TMEM135: variants seen among roughly 807,000 people sequenced by gnomAD.
TMEM135 encodes transmembrane protein 135, also known as peroxisomal membrane protein 52.
TMEM135 carries 30 observed loss-of-function variants against 60.3 expected under a neutral mutation model. The ratio of observed to expected loss-of-function variants is 0.50; its 90% confidence interval spans 0.37 to 0.68. The LOEUF is 0.68. Among genes scored for constraint, TMEM135 ranks in the 30% least tolerant of loss-of-function variants. TMEM135 has a pLI of 0.00. For missense variants in TMEM135, 468 were observed against 548.8 expected, an observed-to-expected ratio of 0.85 and a Z score of 1.47; for synonymous variants, 190 against 186.7, an observed-to-expected ratio of 1.02 and a Z score of -0.14.
chr11:87,301,237 G>T (rs1942442484), intron 7 of TMEM135, among the ~76,000 whole-genome samples: 1 of 151,844 alleles, frequency 6.6e-6, no homozygotes. Context: ...TATTCTGTTT[G>T]TCACAGGTCT....
chr11:87,127,046 A>G (rs997934155), intron 4 of TMEM135, among the ~76,000 whole-genome samples: 2 of 152,202 alleles, frequency 1.3e-5, no homozygotes, highest in Non-Finnish European at 2.9e-5. Context: ...CTAGCCTGGT[A>G]AAAAACAACA....
chr11:87,083,669 G>T (rs569283728), intron 3 of TMEM135, among the ~76,000 whole-genome samples: 1 of 152,102 alleles, frequency 6.6e-6, no homozygotes, highest in African/African-American at 2.4e-5. Flanking sequence ...TTCACCAGAA[G>T]ATTAAACACT....
chr11:87,056,073 C>A (rs1001243862), intron 1 of TMEM135, among the ~76,000 whole-genome samples: 2 of 152,120 alleles, frequency 1.3e-5, no homozygotes, highest in African/African-American at 4.8e-5. Context: ...TGCTCTGCTA[C>A]AAGGGTTTGT....
At chr11:87,321,107 T>G in intron 14 of TMEM135, 94 bp from the exon 15 acceptor site, 2 of 1,207,794 alleles carry the variant, frequency 1.7e-6, no homozygotes, top group Non-Finnish European at 2.3e-6. Context: ...GCCTTTTCTG[T>G]TTTCCCATCC....
intron 5 of TMEM135, among the ~76,000 whole-genome samples, chr11:87,183,102 T>C (rs1233611832): frequency 6.6e-6 from 1 of 151,678 alleles, no homozygotes; most frequent in Non-Finnish European, 1.5e-5. Flanking sequence ...AAATTACTGA[T>C]TTTTTAAAAT....
rs563982586 is a variant in TMEM135 at position 87,123,958 on chromosome 11, C to G, written c.396+32563C>G. On this transcript the variant is annotated intron_variant, in intron 4 of 14. Coordinates refer to ENST00000305494, the MANE Select transcript of TMEM135 (RefSeq NM_022918.4). Reference sequence around the variant, plus strand: ...ATAATATAGCTAAGAAACAGTGACTCTAAGATTTGAATCTGCACCTGAAAC... The same window carrying G: ...ATAATATAGCTAAGAAACAGTGACTGTAAGATTTGAATCTGCACCTGAAAC... 2.5e-4 allele frequency among the ~76,000 whole-genome samples: 38 copies of G among 152,280 alleles called. No homozygotes were observed. In the East Asian group the frequency reaches 6.8e-3, roughly 27 times the overall value.
chr11:87,207,390 T>C (rs1940259219), intron 5 of TMEM135, among the ~76,000 whole-genome samples: 1 of 152,190 alleles, frequency 6.6e-6, no homozygotes, highest in African/African-American at 2.4e-5. Flanking sequence ...CTGTGATCTT[T>C]GCTGTATTTG....
intron 4 of TMEM135, among the ~76,000 whole-genome samples, chr11:87,110,302 T>A (rs1227299630): frequency 6.6e-6 from 1 of 152,096 alleles, no homozygotes; most frequent in Admixed American, 6.6e-5. Context: ...TGGATTTAAA[T>A]TTGAATCCTG....
rs145717997 is a variant in TMEM135, at chr11:87,131,676, C to T, written c.397-25665C>T. Among the ~76,000 whole-genome samples, 49 of 152,176 alleles carry T rather than the reference C, an allele frequency of 3.2e-4. No homozygotes were observed. The East Asian group carries it at 8.7e-3, about 27-fold the overall frequency. On this transcript the variant is annotated intron_variant, in intron 4 of 14. Coordinates refer to ENST00000305494, the MANE Select transcript of TMEM135 (RefSeq NM_022918.4). ...TGAGTTTGCCACATACAGTGTGTCC[C>T]TGGGAAAGTGACTTTTCTATGCCTG...
At chr11:87,122,754 C>T (rs1335637757) in intron 4 of TMEM135, among the ~76,000 whole-genome samples, 2 of 152,142 alleles carry the variant, frequency 1.3e-5, no homozygotes, top group Admixed American at 1.3e-4. Context: ...AGCCACCGCG[C>T]CTGGCCAGAT....
chr11:87,081,536 A>C (rs1182491611), intron 3 of TMEM135, among the ~76,000 whole-genome samples: 1 of 152,170 alleles, frequency 6.6e-6, no homozygotes, highest in Non-Finnish European at 1.5e-5. Flanking sequence ...TAGTTCAAAT[A>C]CAGTAAAACC....
chr11:87,268,687 C>T (rs2135408383), intron 6 of TMEM135, among the ~76,000 whole-genome samples: 2 of 151,388 alleles, frequency 1.3e-5, no homozygotes, highest in Middle Eastern at 3.4e-3. Flanking sequence ...TTTTTTTTGG[C>T]TGCACAATTA....
chr11:87,268,123 C>T (rs7939150), intron 6 of TMEM135, among the ~76,000 whole-genome samples: 3,177 of 150,558 alleles, frequency 0.021, 93 homozygotes, highest in African/African-American at 0.055. Context: ...CCTCCCCTTC[C>T]CCCTCTCTTC....
chr11:87,299,564 A>G (rs1160779346), intron 7 of TMEM135, among the ~76,000 whole-genome samples: 1 of 152,220 alleles, frequency 6.6e-6, no homozygotes, highest in East Asian at 1.9e-4. Context: ...TACAGGAGGT[A>G]CAAAGCTAAC....
At chr11:87,130,929 GTTTTC>G (rs1405205877) in intron 4 of TMEM135, among the ~76,000 whole-genome samples, 28 of 146,760 alleles carry the variant, frequency 1.9e-4, no homozygotes, top group South Asian at 6.3e-4. Flanking sequence ...TTTAGTTACA[GTTTTC>G]TTTTTTTTTT....
At chr11:87,210,230 C>T (rs1251177433) in intron 5 of TMEM135, among the ~76,000 whole-genome samples, 4 of 152,004 alleles carry the variant, frequency 2.6e-5, no homozygotes, top group East Asian at 3.9e-4. Flanking sequence ...ACCAAAAGTT[C>T]GTTCTTTGAA....
At chr11:87,232,282 A>G (rs192231012) in intron 5 of TMEM135, among the ~76,000 whole-genome samples, 11 of 152,114 alleles carry the variant, frequency 7.2e-5, no homozygotes, top group Admixed American at 1.3e-4. Flanking sequence ...TAATCACCAA[A>G]TAAAGATAAC....
At chr11:87,285,849 A>C (rs564726976) in intron 6 of TMEM135, among the ~76,000 whole-genome samples, 4 of 151,996 alleles carry the variant, frequency 2.6e-5, no homozygotes, top group African/African-American at 7.2e-5. Context: ...TTTTATAGAG[A>C]GCTGATTGGT....
intron 3 of TMEM135, among the ~76,000 whole-genome samples, chr11:87,082,974 C>G (rs1018830537): frequency 1.3e-5 from 2 of 152,200 alleles, no homozygotes; most frequent in Admixed American, 6.5e-5. Context: ...ATCTCTCTAT[C>G]TGGATATAGA....
Sources: gnomAD v4.1 joint callset for allele counts (sites outside exome capture counted in the v4.1 genomes callset) on GRCh38, gnomAD v4.1.1 for gene constraint, MANE v1.5 for transcripts, NCBI Gene and HGNC (gene_info 2026-07-23, HGNC 2026-07-21) for gene names.